The following DMD variants were observed in gnomAD, a reference collection of about 807,000 sequenced individuals.
DMD encodes dystrophin, also known as mutant dystrophin.
DMD carries 63 observed loss-of-function variants against 330.1 expected under a neutral mutation model. The ratio of observed to expected loss-of-function variants is 0.19; its 90% confidence interval spans 0.16 to 0.24. The LOEUF (loss-of-function observed/expected upper bound fraction) is 0.24, where lower values mean the gene tolerates loss of function less well. DMD is among the 10% of genes least tolerant of loss of function. The pLI is 1.00. For missense variants in DMD, 3,344 were observed against 2,684.1 expected (o/e 1.25, Z -5.43); for synonymous variants, 1,223 against 959.8 (o/e 1.27, Z -5.07).
At chrX:32,614,095 A>C (rs985259063) in intron 12 of DMD, among the ~76,000 whole-genome samples, 41 of 110,879 alleles carry the variant, frequency 3.7e-4, no homozygotes, top group African/African-American at 1.3e-3. Flanking sequence ...TCCATCTCCT[A>C]ATACAATCAC....
At chrX:31,562,396 T>G (rs1465909044) in intron 55 of DMD, among the ~76,000 whole-genome samples, 1 of 112,157 alleles carries the variant, frequency 8.9e-6, no homozygotes, top group East Asian at 2.8e-4. Context: ...CACATTTCTT[T>G]CCTCAAAGAC....
intron 1 of DMD, among the ~76,000 whole-genome samples, chrX:33,163,568 A>ATGTG (rs1411773186): frequency 1.3e-4 from 14 of 104,819 alleles, no homozygotes; most frequent in African/African-American, 4.9e-4. Context: ...ATATATATAT[A>ATGTG]TATATATGTA....
intron 17 of DMD, among the ~76,000 whole-genome samples, chrX:32,524,862 T>C (rs1267037271): frequency 8.9e-6 from 1 of 112,518 alleles, no homozygotes; most frequent in African/African-American, 3.2e-5. Flanking sequence ...GTGATTACGC[T>C]CGTTTTTTGA....
At chrX:32,784,007 G>T (rs200450028) in intron 7 of DMD, among the ~76,000 whole-genome samples, 3 of 19,598 alleles carry the variant, frequency 1.5e-4, no homozygotes, top group Non-Finnish European at 2.3e-4. Flanking sequence ...GAGCGGGGGT[G>T]GGGGGGGGAA....
chrX:33,200,369 G>A (rs920729258), intron 1 of DMD, among the ~76,000 whole-genome samples: 7 of 110,611 alleles, frequency 6.3e-5, no homozygotes, highest in South Asian at 7.7e-4. Context: ...ACTTTCATAC[G>A]TAAACCACTT....
chrX:32,769,311 G>C (rs1027712664), intron 7 of DMD, among the ~76,000 whole-genome samples: 4 of 111,427 alleles, frequency 3.6e-5, no homozygotes, highest in Non-Finnish European at 3.8e-5. Context: ...TGTGCAAGGA[G>C]TCTCCCCCTT....
intron 1 of DMD, among the ~76,000 whole-genome samples, chrX:33,188,254 C>T (rs765418986): frequency 9.1e-6 from 1 of 110,453 alleles, no homozygotes; most frequent in Admixed American, 9.8e-5. Flanking sequence ...CTCTCTCTCT[C>T]TCTGTCTCTC....
rs2093513819 is a variant in DMD at position 31,850,938 on chromosome X, A to C, written c.7099-14119T>G. Among the ~76,000 whole-genome samples the C allele has an allele frequency of 6.2e-5, 7 of 112,617 alleles. No homozygotes were observed. In the South Asian group the frequency reaches 2.6e-3, roughly 41 times the overall value. On this transcript the variant is annotated intron_variant, in intron 48 of 78. Coordinates refer to ENST00000357033, the MANE Select transcript of DMD (RefSeq NM_004006.3). ...TATTGACTGCACTATCTCTCATTCC[A>C]TACAGAAACTGTTTGCTAAAAAGTG...
At chrX:33,207,602 A>G (rs758265747) in intron 1 of DMD, among the ~76,000 whole-genome samples, 1 of 110,121 alleles carries the variant, frequency 9.1e-6, no homozygotes, top group African/African-American at 3.3e-5. Context: ...AATAGAAAAA[A>G]CCCTCCAAAC....
intron 27 of DMD, among the ~76,000 whole-genome samples, chrX:32,447,846 T>A (rs1178697731): frequency 1.8e-5 from 2 of 111,592 alleles, no homozygotes; most frequent in African/African-American, 6.5e-5. Flanking sequence ...GCTTTCTTTA[T>A]CTAAATTCAG....
intron 52 of DMD, among the ~76,000 whole-genome samples, chrX:31,681,296 C>T (rs2082366982): frequency 8.9e-6 from 1 of 111,922 alleles, no homozygotes; most frequent in Non-Finnish European, 1.9e-5. Flanking sequence ...TACAAAGCAA[C>T]AAATCACAAG....
chrX:31,859,863 G>A (rs1226598729), intron 48 of DMD, among the ~76,000 whole-genome samples: 1 of 112,218 alleles, frequency 8.9e-6, no homozygotes, highest in Admixed American at 9.5e-5. Context: ...ATGCCACCAA[G>A]GGAGGTAACT....
At chrX:32,923,444 C>T (rs2088642862) in intron 2 of DMD, among the ~76,000 whole-genome samples, 1 of 109,399 alleles carries the variant, frequency 9.1e-6, no homozygotes, top group Non-Finnish European at 1.9e-5. Flanking sequence ...CCCTGTAATC[C>T]CAGCTACTCG....
At chrX:31,724,685 T>A (rs762710087) in intron 52 of DMD, among the ~76,000 whole-genome samples, 1 of 112,140 alleles carries the variant, frequency 8.9e-6, no homozygotes, top group Non-Finnish European at 1.9e-5. Flanking sequence ...TCCAGTTCTC[T>A]CTGTACCAAA....
At chrX:32,525,024 G>A (rs1406587955) in intron 17 of DMD, among the ~76,000 whole-genome samples, 1 of 111,555 alleles carries the variant, frequency 9.0e-6, no homozygotes, top group East Asian at 2.8e-4. Context: ...AATGAGTTTG[G>A]ACTCTTCTCA....
chrX:32,973,686 C>T (rs933806980), intron 2 of DMD, among the ~76,000 whole-genome samples: 10 of 111,882 alleles, frequency 8.9e-5, no homozygotes, highest in Non-Finnish European at 1.9e-4. Flanking sequence ...ATAAACAGAA[C>T]ATCCCTGCTG....
chrX:31,831,723 C>T lies in DMD; in HGVS notation c.7200+4995G>A, dbSNP rs375607689. On this transcript the variant is annotated intron_variant, in intron 49 of 78. Transcript: ENST00000357033. ...ATGCCATTCTCCTGCCTCAGCCTCCCGAGTAGCTGGGACTACAGATGCCTG... is the reference window on the plus strand; with the variant it reads ...ATGCCATTCTCCTGCCTCAGCCTCCTGAGTAGCTGGGACTACAGATGCCTG... Among the ~76,000 whole-genome samples the T allele has an allele frequency of 9.0e-5, 10 of 110,823 alleles. 1 individual carries two copies. The East Asian group carries it at 1.1e-3, about 13-fold the overall frequency.
chrX:31,917,119 C>A lies in DMD; in HGVS notation c.6912+12477G>T, dbSNP rs140002540. Among the ~76,000 whole-genome samples the A allele has an allele frequency of 4.9e-3, 548 of 111,230 alleles. 11 individuals carry two copies. The East Asian group carries it at 0.075, about 15-fold the overall frequency. ...GAAGTAGAGCAAGGGGACCAGGGAA[C>A]CAGCATCTTGAAATTAGGGGGGGAA... On this transcript the variant is annotated intron_variant, in intron 47 of 78. Transcript: ENST00000357033.
chrX:32,390,067 A>C lies in DMD; in HGVS notation c.4344+4T>G. On this transcript the variant is annotated splice_donor_region_variant and intron_variant, in intron 31 of 78. Transcript: ENST00000357033. ...CGTTCCTTAGTTTCTGAAATAACAT[A>C]TACCTGTGCAACATCAATCTGAGAC... 1 of 1,191,122 alleles carries C rather than the reference A, an allele frequency of 8.4e-7. No individual in the cohort carries two copies. The highest frequency in any genetic ancestry group is 1.1e-6 in the Non-Finnish European group (1 of 876,987).
Sources: allele counts gnomAD v4.1 joint callset (sites outside exome capture counted in the v4.1 genomes callset), GRCh38; gene constraint gnomAD v4.1.1; transcripts MANE v1.5; gene names NCBI Gene and HGNC (gene_info 2026-07-23, HGNC 2026-07-21).